Variants in NRXN1 observed in about 807,000 individuals in gnomAD.
The protein encoded by NRXN1 is neurexin-1.
NRXN1 carries 39 observed loss-of-function variants against 150.9 expected under a neutral mutation model. The ratio of observed to expected loss-of-function variants is 0.26; its 90% CI spans 0.20 to 0.34. The LOEUF (loss-of-function observed/expected upper bound fraction) is 0.34, where lower values mean the gene tolerates loss of function less well. Ranked by LOEUF, NRXN1 falls within the 10% of genes least tolerant of loss-of-function variation. The pLI, the probability that NRXN1 is intolerant of heterozygous loss-of-function variation, is 1.00. For missense variants in NRXN1, 1,815 were observed against 1,949.9 expected, an observed-to-expected ratio of 0.93 and a Z score of 1.30; for synonymous variants, 924 against 757.0, an observed-to-expected ratio of 1.22 and a Z score of -3.62.
intron 5 of NRXN1, among the ~76,000 whole-genome samples, chr2:50,813,612 C>G (rs1400218141): frequency 6.6e-6 from 1 of 152,070 alleles, no homozygotes; most frequent in Non-Finnish European, 1.5e-5. Context: ...TCAGGTTACA[C>G]AAAAGAAAAT....
intron 15 of NRXN1, among the ~76,000 whole-genome samples, chr2:50,481,074 A>C (rs2090422266): frequency 6.6e-6 from 1 of 152,236 alleles, no homozygotes; most frequent in South Asian, 2.1e-4. Flanking sequence ...ACAGATGAAG[A>C]AACTATGGTT....
intron 17 of NRXN1, among the ~76,000 whole-genome samples, chr2:50,323,463 G>A (rs1423817397): frequency 1.3e-5 from 2 of 151,846 alleles, no homozygotes; most frequent in Non-Finnish European, 2.9e-5. Context: ...CATGTTCTAG[G>A]CACTCAATAC....
intron 17 of NRXN1, among the ~76,000 whole-genome samples, chr2:50,390,836 G>C (rs2081639533): frequency 6.6e-6 from 1 of 152,054 alleles, no homozygotes; most frequent in Non-Finnish European, 1.5e-5. Flanking sequence ...GGACTTCGCA[G>C]CCACCAGAAC....
At chr2:50,639,575 G>A (rs1266565091) in intron 5 of NRXN1, among the ~76,000 whole-genome samples, 1 of 151,776 alleles carries the variant, frequency 6.6e-6, no homozygotes, top group African/African-American at 2.4e-5. Context: ...CATCTTTACA[G>A]TTTCAGGATG....
At chr2:50,438,614 G>T (rs1026833622) in intron 17 of NRXN1, among the ~76,000 whole-genome samples, 3 of 152,130 alleles carry the variant, frequency 2.0e-5, no homozygotes, top group African/African-American at 7.2e-5. Flanking sequence ...CTTCACTGAG[G>T]TCATATATTG....
intron 5 of NRXN1, among the ~76,000 whole-genome samples, chr2:50,774,012 C>T (rs760960666): frequency 1.2e-4 from 19 of 152,118 alleles, no homozygotes; most frequent in African/African-American, 4.6e-4. Flanking sequence ...GCTAAATAAA[C>T]GTTTACATCA....
At chr2:50,095,189 T>A (rs1463192867) in intron 18 of NRXN1, among the ~76,000 whole-genome samples, 1 of 152,188 alleles carries the variant, frequency 6.6e-6, no homozygotes, top group African/African-American at 2.4e-5. Context: ...GTAAGCTGAT[T>A]TTACTTTTTA....
intron 18 of NRXN1, among the ~76,000 whole-genome samples, chr2:50,228,804 T>G (rs548269221): frequency 4.1e-4 from 63 of 151,968 alleles, no homozygotes; most frequent in South Asian, 8.3e-4. Context: ...ATTAAAGCAT[T>G]TACTTAGAAG....
At chr2:50,471,500 A>G (rs1360167908) in intron 16 of NRXN1, among the ~76,000 whole-genome samples, 1 of 151,844 alleles carries the variant, frequency 6.6e-6, no homozygotes, top group East Asian at 1.9e-4. Context: ...TTATCCACTC[A>G]TTGGCTTTTG....
chr2:50,361,531 T>C (rs2079189042), intron 17 of NRXN1, among the ~76,000 whole-genome samples: 1 of 152,206 alleles, frequency 6.6e-6, no homozygotes, highest in African/African-American at 2.4e-5. Context: ...GATACATTCC[T>C]GGATATATAC....
At chr2:50,445,111 C>A (rs747274973) in intron 17 of NRXN1, among the ~76,000 whole-genome samples, 2 of 152,120 alleles carry the variant, frequency 1.3e-5, no homozygotes, top group East Asian at 1.9e-4. Flanking sequence ...CCACTAAGTT[C>A]TTTTCCTTTT....
intron 17 of NRXN1, among the ~76,000 whole-genome samples, chr2:50,368,338 T>C (rs1369146479): frequency 6.6e-6 from 1 of 151,914 alleles, no homozygotes; most frequent in African/African-American, 2.4e-5. Context: ...AAAAAAATCC[T>C]GTATGAAGAA....
intron 2 of NRXN1, among the ~76,000 whole-genome samples, chr2:50,940,168 T>C (rs963663275): frequency 2.0e-5 from 3 of 152,126 alleles, no homozygotes; most frequent in Non-Finnish European, 4.4e-5. Flanking sequence ...AGATTTAATA[T>C]TATCTTATTT....
chr2:50,600,388 C>A (rs375348372), intron 8 of NRXN1, among the ~76,000 whole-genome samples: 3 of 147,844 alleles, frequency 2.0e-5, no homozygotes, highest in African/African-American at 7.5e-5. Context: ...GCAGTGGTGC[C>A]ATCTTGGCTC....
At chr2:50,791,407 G>A (rs1410573445) in intron 5 of NRXN1, among the ~76,000 whole-genome samples, 1 of 151,732 alleles carries the variant, frequency 6.6e-6, no homozygotes, top group East Asian at 1.9e-4. Context: ...ATCCCAGGGA[G>A]AATAATGGTT....
chr2:50,230,515 A>G (rs1172793043), intron 18 of NRXN1, among the ~76,000 whole-genome samples: 1 of 152,080 alleles, frequency 6.6e-6, no homozygotes, highest in Non-Finnish European at 1.5e-5. Flanking sequence ...ATAAGTATAT[A>G]AAATGGATAG....
At chr2:50,283,875 G>A (rs2071778986) in intron 17 of NRXN1, among the ~76,000 whole-genome samples, 1 of 152,108 alleles carries the variant, frequency 6.6e-6, no homozygotes, top group Non-Finnish European at 1.5e-5. Flanking sequence ...CTCAAGGCTA[G>A]ATTTGGAGAA....
At chr2:49,994,589 C>T (rs930350973) in intron 21 of NRXN1, among the ~76,000 whole-genome samples, 1 of 152,080 alleles carries the variant, frequency 6.6e-6, no homozygotes, top group Non-Finnish European at 1.5e-5. Context: ...ATCACATGGT[C>T]ACAACCTACC....
chr2:50,797,437 A>T (rs1016118020), intron 5 of NRXN1, among the ~76,000 whole-genome samples: 3 of 152,130 alleles, frequency 2.0e-5, no homozygotes, highest in African/African-American at 4.8e-5. Flanking sequence ...TAGTGAGTAC[A>T]GGCCAAGCAT....
Sources: gnomAD v4.1 joint callset for allele counts (sites outside exome capture counted in the v4.1 genomes callset) on GRCh38, gnomAD v4.1.1 for gene constraint, MANE v1.5 for transcripts, NCBI Gene and HGNC (gene_info 2026-07-23, HGNC 2026-07-21) for gene names.